The following MARK3 variants were observed in gnomAD, a reference collection of about 807,000 sequenced individuals.
MARK3 encodes MAP/microtubule affinity-regulating kinase 3.
Under a neutral mutation model 90.1 loss-of-function variants are expected in MARK3, and 46 were observed. The observed-to-expected ratio is 0.51, with a 90% confidence interval of 0.40 to 0.65. MARK3 has a LOEUF of 0.65. MARK3 is among the 30% of genes least tolerant of loss of function. The pLI, the probability that MARK3 is intolerant of heterozygous loss-of-function variation, is 0.00. For missense variants in MARK3, 818 were observed against 947.2 expected (o/e 0.86, Z 1.79); for synonymous variants, 321 against 332.6 (o/e 0.97, Z 0.38).
intron 12 of MARK3, 81 bp from the exon 13 acceptor site, chr14:103,474,912 A>G (rs1054610993): frequency 9.1e-7 from 1 of 1,104,846 alleles, no homozygotes; most frequent in Non-Finnish European, 1.3e-6. Context: ...ACCTTAGATC[A>G]TCTTACAAAA....
At chr14:103,426,823 G>A (rs1314362833) in intron 2 of MARK3, among the ~76,000 whole-genome samples, 1 of 151,682 alleles carries the variant, frequency 6.6e-6, no homozygotes, top group Non-Finnish European at 1.5e-5. Flanking sequence ...TATTCACTTG[G>A]TTAGCCCACA....
chr14:103,468,329 T>C lies in MARK3; in HGVS notation c.1264+143T>C. On this transcript the variant is annotated intron_variant, in intron 12 of 17. Transcript: ENST00000429436. Reference sequence around the variant, plus strand: ...TTTCTTTCTTCTTTTTTTTTTTTTTTTTTTTTTTTTTTTGAGACAGAGTCT... The same window carrying C: ...TTTCTTTCTTCTTTTTTTTTTTTTTCTTTTTTTTTTTTTGAGACAGAGTCT... 7.5e-6 allele frequency: 5 copies of C among 662,588 alleles called. No homozygotes were observed. The South Asian group carries it at 8.2e-5, about 11-fold the overall frequency. 41.0% of individuals were successfully genotyped at this position (662,588 alleles called of 1,614,324 possible).
At chr14:103,415,118 C>T (rs2091882403) in intron 2 of MARK3, among the ~76,000 whole-genome samples, 2 of 140,080 alleles carry the variant, frequency 1.4e-5, no homozygotes, top group Non-Finnish European at 1.5e-5. Context: ...TGCCAGTACA[C>T]TCCAGCCTGG....
chr14:103,417,161 A>C (rs1011459047), intron 2 of MARK3: 1 of 152,260 alleles, frequency 6.6e-6, no homozygotes, highest in African/African-American at 2.4e-5. Flanking sequence ...GGGTTTTGTC[A>C]CATTAGTATA....
chr14:103,474,092 C>G (rs1167951278), intron 12 of MARK3, among the ~76,000 whole-genome samples: 1 of 151,368 alleles, frequency 6.6e-6, no homozygotes, highest in Non-Finnish European at 1.5e-5. Flanking sequence ...GTAGTTTCAG[C>G]TACTCCGGAG....
intron 3 of MARK3, among the ~76,000 whole-genome samples, chr14:103,440,598 C>CA (rs1333345908): frequency 2.0e-5 from 3 of 149,830 alleles, no homozygotes; most frequent in Non-Finnish European, 3.0e-5. Flanking sequence ...GACTGCATCT[C>CA]AAAAAAACAA....
chr14:103,456,459 T>C (rs1450201575), intron 5 of MARK3, among the ~76,000 whole-genome samples: 1 of 152,220 alleles, frequency 6.6e-6, no homozygotes, highest in Non-Finnish European at 1.5e-5. Flanking sequence ...CTTCTTGCTC[T>C]TTCTCTTAAT....
At chr14:103,481,983 G>C (rs1487391979) in intron 14 of MARK3, among the ~76,000 whole-genome samples, 5 of 150,582 alleles carry the variant, frequency 3.3e-5, no homozygotes, top group Non-Finnish European at 7.4e-5. Context: ...AGCCAGGATG[G>C]TCTCGATCTC....
intron 1 of MARK3, among the ~76,000 whole-genome samples, chr14:103,398,660 A>G (rs2090743869): frequency 6.6e-6 from 1 of 152,202 alleles, no homozygotes; most frequent in South Asian, 2.1e-4. Flanking sequence ...AGCATGAGTC[A>G]CCATGCCTGG....
intron 3 of MARK3, among the ~76,000 whole-genome samples, chr14:103,430,711 G>T (rs566371847): frequency 4.6e-5 from 7 of 152,274 alleles, no homozygotes; most frequent in Admixed American, 4.6e-4. Flanking sequence ...CTTGCATACT[G>T]GGTCATGAAC....
In MARK3 at chr14:103,431,975, T is replaced by TC. The variant is rs1398790678; in HGVS notation, c.297+3535_297+3536insC. On this transcript the variant is annotated intron_variant, in intron 3 of 17. Coordinates refer to ENST00000429436, the MANE Select transcript of MARK3 (RefSeq NM_001128918.3). ...TACTTTATTCCATACTTGGAATTGT[T>TC]TCCCCCCTCCCACCTGAATTTGTTT... Among the ~76,000 whole-genome samples the TC allele has an allele frequency of 4.2e-3, 594 of 139,770 alleles. 13 individuals are homozygous for TC. In the South Asian group the frequency reaches 0.056, roughly 13 times the overall value. The allele number at this position is 139,770 out of a possible 152,430, so 91.7% of individuals were successfully genotyped here. A position where few individuals can be genotyped will look rare whatever the true frequency, so the allele number is the denominator to read the frequency against.
intron 13 of MARK3, among the ~76,000 whole-genome samples, chr14:103,478,367 C>T (rs1428338392): frequency 6.6e-6 from 1 of 150,388 alleles, no homozygotes; most frequent in African/African-American, 2.4e-5. Flanking sequence ...CCTCTGCCCC[C>T]CTCCCTTCCC....
chr14:103,475,712 C>A (rs192497952), intron 13 of MARK3, among the ~76,000 whole-genome samples: 1 of 152,056 alleles, frequency 6.6e-6, no homozygotes, highest in Non-Finnish European at 1.5e-5. Context: ...TTTGGGAGGC[C>A]GAGGTGGGTA....
At chr14:103,474,969 T>C (rs2093690291) in intron 12 of MARK3, 24 bp from the exon 13 acceptor site, 1 of 1,579,010 alleles carries the variant, frequency 6.3e-7, no homozygotes, top group Non-Finnish European at 8.7e-7. Context: ...TTCAGTCATT[T>C]AAAAAATGAA....
At chr14:103,487,849 C>T (rs1480213233) in intron 14 of MARK3, among the ~76,000 whole-genome samples, 3 of 152,194 alleles carry the variant, frequency 2.0e-5, no homozygotes, top group East Asian at 3.9e-4. Flanking sequence ...GAGTTCAAGA[C>T]CACCCTGGCT....
chr14:103,405,360 C>CTT, intron 2 of MARK3, 93 bp downstream of exon 2: 1 of 1,023,770 alleles, frequency 9.8e-7, no homozygotes. Flanking sequence ...GGCCTTATTT[C>CTT]TTTTTTTTAA....
chr14:103,448,875 CTT>C (rs1182757224), intron 3 of MARK3, 42 bp from the exon 4 acceptor site: 2 of 1,238,620 alleles, frequency 1.6e-6, no homozygotes, highest in African/African-American at 1.6e-5. Context: ...TGTTTAATAA[CTT>C]GTGTTGGGGG....
At chr14:103,437,448 A>G (rs1026276096) in intron 3 of MARK3, among the ~76,000 whole-genome samples, 10 of 151,944 alleles carry the variant, frequency 6.6e-5, no homozygotes, top group Non-Finnish European at 1.3e-4. Flanking sequence ...TTAGAGATTG[A>G]TTGTTTGTTT....
At chr14:103,494,186 A>G (rs2142052339) in intron 15 of MARK3, among the ~76,000 whole-genome samples, 1 of 145,250 alleles carries the variant, frequency 6.9e-6, no homozygotes, top group African/African-American at 2.6e-5. Context: ...TCTAGCCAAG[A>G]TCGCGCCGCT....
Sources: allele counts gnomAD v4.1 joint callset (sites outside exome capture counted in the v4.1 genomes callset), GRCh38; gene constraint gnomAD v4.1.1; transcripts MANE v1.5; gene names NCBI Gene and HGNC (gene_info 2026-07-23, HGNC 2026-07-21).